PTPRK: variants seen among roughly 807,000 people sequenced by gnomAD.
PTPRK encodes the protein protein tyrosine phosphatase receptor type K.
In PTPRK, 75 loss-of-function variants were observed where a neutral mutation model predicts 178.0. That is an observed-to-expected ratio of 0.42 (90% CI 0.35 to 0.51). PTPRK has a LOEUF of 0.51. PTPRK is among the 20% of genes least tolerant of loss of function. The probability of loss-of-function intolerance (pLI) is 0.02; values close to 1 mark genes in which losing one functional copy is unlikely to be tolerated. For missense variants in PTPRK, 1,441 were observed against 1,797.8 expected (o/e 0.80, Z 3.59); for synonymous variants, 637 against 620.6 (o/e 1.03, Z -0.39).
chr6:128,457,381 C>A (rs1383772048), intron 1 of PTPRK, among the ~76,000 whole-genome samples: 1 of 152,072 alleles, frequency 6.6e-6, no homozygotes. Flanking sequence ...TCAGATTTGA[C>A]AAAAGCAAAC....
intron 1 of PTPRK, among the ~76,000 whole-genome samples, chr6:128,474,261 T>C (rs1368991441): frequency 6.6e-6 from 1 of 151,962 alleles, no homozygotes; most frequent in African/African-American, 2.4e-5. Context: ...AGAGGTGACA[T>C]CACGGGACAT....
chr6:128,233,041 T>C (rs1812566550), intron 5 of PTPRK, among the ~76,000 whole-genome samples: 1 of 152,258 alleles, frequency 6.6e-6, no homozygotes, highest in African/African-American at 2.4e-5. Context: ...CAGTAATTTC[T>C]TCAGGAAGCT....
intron 7 of PTPRK, among the ~76,000 whole-genome samples, chr6:128,175,601 A>G (rs1562727851): frequency 6.6e-6 from 1 of 151,858 alleles, no homozygotes; most frequent in Non-Finnish European, 1.5e-5. Context: ...AGCGGAATAT[A>G]GAACTGTATA....
Position 128,003,259 on chromosome 6 carries a change from A to G in PTPRK, c.2494+1825T>C, listed in dbSNP as rs746441963. ...TGCAGGAAAACAAAGCTCATGAAGG[A>G]ATATATTGCTCTAAAATTGTTTTTT... On this transcript the variant is annotated intron_variant, in intron 15 of 29. Transcript: ENST00000368226. The G allele has an allele frequency of 3.2e-6, 5 of 1,586,842 alleles. No individual in the cohort carries two copies. The South Asian group carries it at 4.6e-5, about 14-fold the overall frequency.
intron 1 of PTPRK, among the ~76,000 whole-genome samples, chr6:128,416,457 C>G (rs1296497747): frequency 2.0e-5 from 3 of 150,604 alleles, no homozygotes; most frequent in South Asian, 4.2e-4. Context: ...CTGGCTAACA[C>G]GGTGAAACCC....
At chr6:128,248,584 T>C (rs777360718) in intron 3 of PTPRK, among the ~76,000 whole-genome samples, 15 of 152,176 alleles carry the variant, frequency 9.9e-5, no homozygotes, top group South Asian at 2.1e-4. Context: ...AACCCAATAC[T>C]GGCCAAATAC....
At chr6:128,278,216 G>A (rs1236280562) in intron 3 of PTPRK, among the ~76,000 whole-genome samples, 1 of 151,736 alleles carries the variant, frequency 6.6e-6, no homozygotes, top group Non-Finnish European at 1.5e-5. Flanking sequence ...GAGTGCAATG[G>A]CGTGATCTTA....
intron 18 of PTPRK, among the ~76,000 whole-genome samples, chr6:127,994,170 C>T (rs1216535809): frequency 6.6e-6 from 1 of 151,612 alleles, no homozygotes; most frequent in Non-Finnish European, 1.5e-5. Flanking sequence ...CAACTAAATA[C>T]ATAATGACAA....
chr6:128,290,602 G>A (rs947020118), intron 3 of PTPRK, among the ~76,000 whole-genome samples: 1 of 151,992 alleles, frequency 6.6e-6, no homozygotes, highest in Non-Finnish European at 1.5e-5. Context: ...GAGATTAGGG[G>A]AACAGGGGCC....
chr6:128,282,409 T>C (rs1332431676), intron 3 of PTPRK, among the ~76,000 whole-genome samples: 4 of 152,160 alleles, frequency 2.6e-5, no homozygotes, highest in African/African-American at 9.7e-5. Context: ...AGAATCTGAG[T>C]TTGTCACTTG....
At chr6:128,465,267 GTTGCTTT>G (rs1413514241) in intron 1 of PTPRK, among the ~76,000 whole-genome samples, 1 of 151,802 alleles carries the variant, frequency 6.6e-6, no homozygotes. Flanking sequence ...AATTAAACAA[GTTGCTTT>G]TTTTTCAACA....
intron 1 of PTPRK, among the ~76,000 whole-genome samples, chr6:128,459,165 A>G (rs746392111): frequency 2.0e-5 from 3 of 152,146 alleles, no homozygotes; most frequent in Non-Finnish European, 2.9e-5. Flanking sequence ...CATTATCCCT[A>G]TGTTCCTTCA....
chr6:128,171,331 G>A (rs976095958), intron 7 of PTPRK, among the ~76,000 whole-genome samples: 6 of 151,940 alleles, frequency 3.9e-5, no homozygotes, highest in Admixed American at 6.6e-5. Flanking sequence ...ACAAAAAACC[G>A]ACAGTGCATG....
chr6:128,519,115 G>A lies in PTPRK; in HGVS notation c.100+1144C>T, dbSNP rs755655529. The A allele has an allele frequency of 3.8e-6, 2 of 529,054 alleles. No individual in the cohort carries two copies. The highest frequency in any genetic ancestry group is 3.9e-6 in the Non-Finnish European group (1 of 258,112). 32.8% of individuals were successfully genotyped at this position (529,054 alleles called of 1,614,324 possible). ...TCCATCTGCACCGCGAACCCCAGCA[G>A]CAGATGCGCTCGCCAGCCAAGCGAA... On this transcript the variant is annotated intron_variant, in intron 1 of 29. Transcript: ENST00000368226. This position sits in a 1 kb window ranked among gnomAD's most constrained non-coding sequence, Gnocchi z 4.3.
At chr6:128,188,161 T>G (rs1337790712) in intron 6 of PTPRK, among the ~76,000 whole-genome samples, 2 of 152,172 alleles carry the variant, frequency 1.3e-5, no homozygotes, top group East Asian at 3.8e-4. Flanking sequence ...TGTTACCAAT[T>G]AACTTCCAAT....
chr6:128,477,339 T>A (rs2128421669), intron 1 of PTPRK, among the ~76,000 whole-genome samples: 1 of 151,788 alleles, frequency 6.6e-6, no homozygotes, highest in East Asian at 1.9e-4. Flanking sequence ...ACAGTTACAC[T>A]TAGTAACTAG....
intron 5 of PTPRK, among the ~76,000 whole-genome samples, chr6:128,230,011 C>G (rs763544179): frequency 1.2e-4 from 19 of 152,016 alleles, no homozygotes; most frequent in Non-Finnish European, 2.6e-4. Flanking sequence ...GTTTTCTACC[C>G]CCAGGAATAA....
chr6:128,150,755 A>C (rs1046418117), intron 7 of PTPRK, among the ~76,000 whole-genome samples: 8 of 152,136 alleles, frequency 5.3e-5, no homozygotes, highest in African/African-American at 1.9e-4. Context: ...AACGCTATGA[A>C]AAAGACAGAT....
chr6:128,158,589 G>A (rs1436572498), intron 7 of PTPRK, among the ~76,000 whole-genome samples: 1 of 151,756 alleles, frequency 6.6e-6, no homozygotes, highest in African/African-American at 2.4e-5. Context: ...ACAATACACA[G>A]ACACTTCAAA....
Sources: gnomAD v4.1 joint callset for allele counts (sites outside exome capture counted in the v4.1 genomes callset) on GRCh38, gnomAD v4.1.1 for gene constraint, Gnocchi (gnomAD v3.1) non-coding constraint, MANE v1.5 for transcripts, NCBI Gene and HGNC (gene_info 2026-07-23, HGNC 2026-07-21) for gene names.